The following NTM variants were observed in gnomAD, a reference collection of about 807,000 sequenced individuals.
NTM encodes IgLON family member 2.
Under a neutral mutation model 42.1 loss-of-function variants are expected in NTM, and 13 were observed. The observed-to-expected ratio is 0.31, with a 90% CI of 0.20 to 0.49. The LOEUF is 0.49. NTM is among the 20% of genes least tolerant of loss of function. The probability of loss-of-function intolerance (pLI) is 0.99; values close to 1 mark genes in which losing one functional copy is unlikely to be tolerated. For synonymous variants in NTM, 187 were observed against 179.2 expected (o/e 1.04, Z -0.35); for missense variants, 373 against 452.8 (o/e 0.82, Z 1.60).
intron 1 of NTM, among the ~76,000 whole-genome samples, chr11:131,439,850 G>A (rs1210738386): frequency 2.0e-5 from 3 of 151,640 alleles, no homozygotes; most frequent in African/African-American, 2.4e-5. Context: ...GATGAACCAA[G>A]TACCTCAGTT....
chr11:131,415,858 T>C (rs1049798905), intron 1 of NTM, among the ~76,000 whole-genome samples: 2 of 152,248 alleles, frequency 1.3e-5, no homozygotes, highest in Non-Finnish European at 2.9e-5. Context: ...TGGAGGTTTT[T>C]GCCCTCATTG....
At chr11:131,803,988 G>T (rs942931530) in intron 1 of NTM, among the ~76,000 whole-genome samples, 6 of 152,108 alleles carry the variant, frequency 3.9e-5, no homozygotes, top group Non-Finnish European at 8.8e-5. Flanking sequence ...ATCTCATCTT[G>T]CATCTATAAT....
At chr11:132,080,544 A>G (rs538172548) in intron 2 of NTM, among the ~76,000 whole-genome samples, 3 of 152,218 alleles carry the variant, frequency 2.0e-5, no homozygotes, top group South Asian at 2.1e-4. Context: ...ATGGCTGGGC[A>G]TAGAGACTGT....
intron 1 of NTM, among the ~76,000 whole-genome samples, chr11:131,570,718 G>C (rs532326371): frequency 1.7e-3 from 253 of 152,332 alleles, no homozygotes; most frequent in Admixed American, 2.2e-3. Flanking sequence ...AGCCACGCAG[G>C]AGCCTGAGGC....
chr11:131,514,725 C>G (rs1389294342), intron 1 of NTM, among the ~76,000 whole-genome samples: 1 of 151,848 alleles, frequency 6.6e-6, no homozygotes, highest in East Asian at 1.9e-4. Context: ...ACTACAGGTC[C>G]CTACAGGTCC....
chr11:131,394,561 T>C (rs1181763533), intron 1 of NTM, among the ~76,000 whole-genome samples: 1 of 152,180 alleles, frequency 6.6e-6, no homozygotes, highest in African/African-American at 2.4e-5. Context: ...TGGATTCTTA[T>C]CTGAACGAAC....
rs1471286753 is a variant in NTM, at chr11:131,686,927, AC to A, written c.83-224635del. On this transcript the variant is annotated intron_variant, in intron 1 of 8. Coordinates refer to ENST00000683400, the MANE Select transcript of NTM (RefSeq NM_001352005.2). ...TAGAGGCAATCATAACCCAGACTTG[AC>A]CTGCCAGGGCACACTGGAGTGAAGC... Among the ~76,000 whole-genome samples the A allele has an allele frequency of 2.0e-5, 3 of 152,158 alleles. No individual in the cohort carries two copies. In the East Asian group the frequency reaches 5.8e-4, roughly 29 times the overall value.
chr11:131,457,924 C>T (rs143190922), intron 1 of NTM, among the ~76,000 whole-genome samples: 38 of 152,244 alleles, frequency 2.5e-4, no homozygotes, highest in African/African-American at 8.9e-4. Context: ...TCACAGAAGC[C>T]AGACATGCTG....
chr11:132,186,406 C>T (rs958741864), intron 3 of NTM, among the ~76,000 whole-genome samples: 4 of 152,178 alleles, frequency 2.6e-5, no homozygotes, highest in Non-Finnish European at 5.9e-5. Flanking sequence ...TGGAGGGAAT[C>T]CCAGCCAGTC....
chr11:131,828,891 T>C (rs960182399), intron 1 of NTM, among the ~76,000 whole-genome samples: 1 of 152,220 alleles, frequency 6.6e-6, no homozygotes, highest in African/African-American at 2.4e-5. Context: ...CTAGTAAAAA[T>C]GTTCCTTTTA....
At chr11:132,053,194 G>A (rs2079104235) in intron 2 of NTM, among the ~76,000 whole-genome samples, 1 of 152,186 alleles carries the variant, frequency 6.6e-6, no homozygotes. Flanking sequence ...CTTTACCAAT[G>A]AAGACACAGG....
intron 1 of NTM, among the ~76,000 whole-genome samples, chr11:131,564,552 A>C (rs2056646142): frequency 6.6e-6 from 1 of 152,138 alleles, no homozygotes; most frequent in Non-Finnish European, 1.5e-5. Context: ...GATATACAAA[A>C]ATGGCACATA....
intron 4 of NTM, among the ~76,000 whole-genome samples, chr11:132,241,903 T>C (rs898267510): frequency 6.6e-6 from 1 of 152,162 alleles, no homozygotes; most frequent in South Asian, 2.1e-4. Flanking sequence ...GGGAGGAAAA[T>C]GTAAACTAGC....
chr11:131,563,646 T>G (rs1365985186), intron 1 of NTM, among the ~76,000 whole-genome samples: 1 of 132,922 alleles, frequency 7.5e-6, no homozygotes, highest in Admixed American at 8.7e-5. Context: ...TAAGAAACAA[T>G]ACTTAGTACA....
chr11:132,273,988 AT>A (rs774840245), intron 4 of NTM, among the ~76,000 whole-genome samples: 1 of 152,206 alleles, frequency 6.6e-6, no homozygotes, highest in Non-Finnish European at 1.5e-5. Flanking sequence ...GAATTTGTCC[AT>A]TTAATCTAAG....
At chr11:131,503,832 G>C (rs955820744) in intron 1 of NTM, among the ~76,000 whole-genome samples, 1 of 152,138 alleles carries the variant, frequency 6.6e-6, no homozygotes, top group Admixed American at 6.5e-5. Flanking sequence ...TTAAACTTAA[G>C]CTAAGTGGCA....
chr11:131,966,395 A>G (rs993051972), intron 2 of NTM, among the ~76,000 whole-genome samples: 2 of 152,176 alleles, frequency 1.3e-5, no homozygotes, highest in African/African-American at 4.8e-5. Flanking sequence ...AACATAATAC[A>G]TGAATAAAGT....
chr11:132,119,832 C>A (rs545337867), intron 2 of NTM, among the ~76,000 whole-genome samples: 1 of 152,364 alleles, frequency 6.6e-6, no homozygotes, highest in Admixed American at 6.5e-5. Flanking sequence ...AGGGTTCACA[C>A]AGCAGAGCAG....
chr11:131,990,671 A>G (rs61903468), intron 2 of NTM, among the ~76,000 whole-genome samples: 1,748 of 152,284 alleles, frequency 0.011, 19 homozygotes, highest in Admixed American at 0.019. Flanking sequence ...TGAAGAGAGA[A>G]GAAAAACATA....
Sources: allele counts gnomAD v4.1 joint callset (sites outside exome capture counted in the v4.1 genomes callset), GRCh38; gene constraint gnomAD v4.1.1; transcripts MANE v1.5; gene names NCBI Gene and HGNC (gene_info 2026-07-23, HGNC 2026-07-21).